The following KIAA1217 variants were observed in gnomAD, a reference collection of about 807,000 sequenced individuals.
KIAA1217 encodes the protein KIAA1217, also known as sickle tail protein homolog.
Under a neutral mutation model 163.9 loss-of-function variants are expected in KIAA1217, and 88 were observed. The ratio of observed to expected loss-of-function variants is 0.54; its 90% CI spans 0.45 to 0.64. The LOEUF (loss-of-function observed/expected upper bound fraction) is 0.64, where lower values mean the gene tolerates loss of function less well. Among genes scored for constraint, KIAA1217 ranks in the 30% least tolerant of loss-of-function variants. KIAA1217 has a pLI of 0.00. For synonymous variants in KIAA1217, 903 were observed against 923.1 expected (o/e 0.98, Z 0.39); for missense variants, 2,372 against 2,475.0 (o/e 0.96, Z 0.88).
At chr10:24,047,491 A>G (rs1216437040) in intron 2 of KIAA1217, among the ~76,000 whole-genome samples, 1 of 152,212 alleles carries the variant, frequency 6.6e-6, no homozygotes, top group African/African-American at 2.4e-5. Flanking sequence ...TCAAGAGCTC[A>G]TATCCTGCAT....
intron 1 of KIAA1217, among the ~76,000 whole-genome samples, chr10:23,876,929 A>G (rs1325784543): frequency 2.0e-5 from 3 of 151,956 alleles, no homozygotes; most frequent in Admixed American, 2.0e-4. Flanking sequence ...TGCAGCAGAG[A>G]GGACATTGAC....
chr10:24,365,248 C>G (rs1419721823), intron 2 of KIAA1217, among the ~76,000 whole-genome samples: 1 of 152,160 alleles, frequency 6.6e-6, no homozygotes, highest in Non-Finnish European at 1.5e-5. Flanking sequence ...GTTGAGGTCT[C>G]TTTGTCCCTC....
chr10:24,187,147 C>T (rs1436397626), intron 2 of KIAA1217, among the ~76,000 whole-genome samples: 4 of 152,078 alleles, frequency 2.6e-5, no homozygotes, highest in African/African-American at 9.6e-5. Flanking sequence ...TAACTAATTG[C>T]AGAAAACCCT....
intron 1 of KIAA1217, among the ~76,000 whole-genome samples, chr10:23,699,625 T>C (rs146779056): frequency 4.6e-5 from 7 of 152,254 alleles, no homozygotes; most frequent in African/African-American, 1.7e-4. Flanking sequence ...CCCTTTCTTT[T>C]TCTTTTCCTT....
chr10:24,324,782 G>C (rs913867019), intron 2 of KIAA1217, among the ~76,000 whole-genome samples: 8 of 152,040 alleles, frequency 5.3e-5, no homozygotes, highest in Non-Finnish European at 1.0e-4. Flanking sequence ...GTTAATACTT[G>C]TCTGTGGGCT....
rs115340553 is a variant in KIAA1217, at chr10:24,351,237, C to A, written c.355-29632C>A. On this transcript the variant is annotated intron_variant, in intron 2 of 20. Transcript: ENST00000376454. The stretch of plus-strand genomic sequence containing the variant: ...TGCTGGGATTACAGGTGCAAGCCAC[C>A]ATGCCTGGCCAGTGATTATGCGTCT... Among the ~76,000 whole-genome samples, 1,126 of 152,310 alleles carry A rather than the reference C, an allele frequency of 7.4e-3. 16 individuals carry two copies. The highest frequency in any genetic ancestry group is 0.025 in the African/African-American group (1,046 of 41,572).
intron 1 of KIAA1217, among the ~76,000 whole-genome samples, chr10:23,946,091 A>G (rs1238106301): frequency 1.3e-5 from 2 of 152,138 alleles, no homozygotes; most frequent in African/African-American, 4.8e-5. Context: ...GTTATGGCAG[A>G]AACCACAATT....
intron 2 of KIAA1217, among the ~76,000 whole-genome samples, chr10:24,056,381 A>T (rs1465992047): frequency 1.3e-5 from 2 of 152,148 alleles, no homozygotes; most frequent in East Asian, 3.9e-4. Flanking sequence ...AGGGATGAAG[A>T]AAAAGCATAC....
intron 2 of KIAA1217, among the ~76,000 whole-genome samples, chr10:24,039,469 C>A (rs1006463559): frequency 2.0e-4 from 31 of 152,232 alleles, no homozygotes; most frequent in Admixed American, 1.3e-4. Context: ...GAGCCACACC[C>A]CCTTGTCAGC....
intron 1 of KIAA1217, among the ~76,000 whole-genome samples, chr10:23,964,725 T>C (rs1310094490): frequency 6.6e-6 from 1 of 151,882 alleles, no homozygotes; most frequent in Admixed American, 6.6e-5. Context: ...CCAGCTAATT[T>C]TTGTATTTTT....
chr10:23,737,195 A>T (rs1251696268), intron 1 of KIAA1217, among the ~76,000 whole-genome samples: 2 of 151,864 alleles, frequency 1.3e-5, no homozygotes, highest in Non-Finnish European at 2.9e-5. Context: ...ATTCTACCAG[A>T]CTTACATTAA....
At chr10:23,894,220 T>C (rs1841568400) in intron 1 of KIAA1217, among the ~76,000 whole-genome samples, 1 of 151,148 alleles carries the variant, frequency 6.6e-6, no homozygotes, top group Admixed American at 6.6e-5. Flanking sequence ...GCAGATGACA[T>C]GATTGTATAT....
intron 2 of KIAA1217, among the ~76,000 whole-genome samples, chr10:24,358,225 G>A (rs1396902349): frequency 6.6e-6 from 1 of 152,124 alleles, no homozygotes; most frequent in East Asian, 1.9e-4. Flanking sequence ...TATCTAGTGT[G>A]TCTAGGGGTT....
At position 24,533,126 on chromosome 10, in the gene KIAA1217, A is replaced by C. The variant is rs754214098; in HGVS notation, c.3303A>C (p.Ala1101=). 6.2e-7 allele frequency: 1 copy of C among 1,613,988 alleles called. No individual in the cohort carries two copies. Among genetic ancestry groups the C allele is most frequent in the African/African-American group, 1.3e-5 (1 of 75,048 alleles). ...SPQTRATKYP[A]EEPASAWTPS... ...AGACCAGAGCTACAAAATATCCAGC[A>C]GAGGAGCCTGCTTCAGCCTGGACCC... Residue 1101 remains alanine (A), a synonymous_variant, in exon 16 of 21, where the codon GCA becomes GCC. Coordinates refer to ENST00000376454, the MANE Select transcript of KIAA1217 (RefSeq NM_019590.5).
At chr10:24,394,715 C>T (rs983096172) in intron 3 of KIAA1217, among the ~76,000 whole-genome samples, 2 of 152,166 alleles carry the variant, frequency 1.3e-5, no homozygotes, top group Non-Finnish European at 2.9e-5. Flanking sequence ...CGCCCAGCAC[C>T]TACATCCCTG....
intron 5 of KIAA1217, among the ~76,000 whole-genome samples, chr10:24,468,295 T>C (rs540684308): frequency 6.6e-6 from 1 of 152,352 alleles, no homozygotes; most frequent in South Asian, 2.1e-4. Flanking sequence ...GGGTTCATTC[T>C]AGTTGTGGTT....
At chr10:24,113,181 T>C (rs2062923809) in intron 2 of KIAA1217, among the ~76,000 whole-genome samples, 2 of 152,154 alleles carry the variant, frequency 1.3e-5, no homozygotes, top group African/African-American at 4.8e-5. Flanking sequence ...GATCATATTC[T>C]ACCGGTCACA....
chr10:23,852,495 C>T (rs550128382), intron 1 of KIAA1217, among the ~76,000 whole-genome samples: 10 of 152,212 alleles, frequency 6.6e-5, no homozygotes, highest in East Asian at 5.8e-4. Context: ...CTTGGCGATG[C>T]GGGCTCTTTT....
chr10:24,232,396 G>A (rs1270411699), intron 2 of KIAA1217, among the ~76,000 whole-genome samples: 7 of 152,300 alleles, frequency 4.6e-5, no homozygotes, highest in Non-Finnish European at 2.9e-5. Context: ...GGAAGAGCAA[G>A]AGAACATATC....
Sources: allele counts gnomAD v4.1 joint callset (sites outside exome capture counted in the v4.1 genomes callset), GRCh38; gene constraint gnomAD v4.1.1; transcripts MANE v1.5; gene names NCBI Gene and HGNC (gene_info 2026-07-23, HGNC 2026-07-21).